The following ATG10 variants were observed in gnomAD, a reference collection of about 807,000 sequenced individuals.
ATG10 encodes autophagy related 10.
ATG10 carries 30 observed loss-of-function variants against 32.1 expected under a neutral mutation model. The ratio of observed to expected loss-of-function variants is 0.94; its 90% CI spans 0.70 to 1.27. ATG10 has a LOEUF of 1.27. Among genes scored for constraint, ATG10 ranks in the 50% most tolerant of loss-of-function variants. The probability of loss-of-function intolerance (pLI) is 0.00; values close to 1 mark genes in which losing one functional copy is unlikely to be tolerated. For missense variants in ATG10, 233 were observed against 262.3 expected, an observed-to-expected ratio of 0.89 and a Z score of 0.77; for synonymous variants, 87 against 91.5, an observed-to-expected ratio of 0.95 and a Z score of 0.28.
intron 5 of ATG10, among the ~76,000 whole-genome samples, chr5:82,193,529 C>A (rs974385883): frequency 5.3e-5 from 8 of 152,196 alleles, no homozygotes; most frequent in Non-Finnish European, 1.0e-4. Flanking sequence ...CAGAACAAGG[C>A]AAAGCCTTAG....
chr5:82,166,379 A>T (rs1471333123), intron 4 of ATG10, among the ~76,000 whole-genome samples: 1 of 152,210 alleles, frequency 6.6e-6, no homozygotes, highest in Non-Finnish European at 1.5e-5. Context: ...TTAGGAATTT[A>T]AAATTTTATT....
chr5:82,181,630 A>T (rs1317082760), intron 5 of ATG10, among the ~76,000 whole-genome samples: 1 of 152,090 alleles, frequency 6.6e-6, no homozygotes, highest in Non-Finnish European at 1.5e-5. Context: ...GTTTTGCAGA[A>T]TTATACTAAA....
chr5:82,118,402 A>ATATATATATATATATATATATG (rs1309574936), intron 3 of ATG10, among the ~76,000 whole-genome samples: 3 of 136,374 alleles, frequency 2.2e-5, no homozygotes, highest in African/African-American at 8.5e-5. Context: ...ATATATATAT[A>ATATATATATATATATATATATG]TATGTATGTA....
At chr5:82,082,570 A>G (rs1485813364) in intron 3 of ATG10, among the ~76,000 whole-genome samples, 1 of 152,038 alleles carries the variant, frequency 6.6e-6, no homozygotes, top group African/African-American at 2.4e-5. Flanking sequence ...TTTGTGGCTG[A>G]TGGACTTTGA....
intron 5 of ATG10, among the ~76,000 whole-genome samples, chr5:82,189,978 G>A (rs752774755): frequency 6.6e-6 from 1 of 152,070 alleles, no homozygotes; most frequent in Non-Finnish European, 1.5e-5. Flanking sequence ...TTAATCATGG[G>A]CACCTCCTCT....
intron 5 of ATG10, among the ~76,000 whole-genome samples, chr5:82,245,463 T>C (rs1027736413): frequency 1.3e-5 from 2 of 152,224 alleles, no homozygotes; most frequent in African/African-American, 4.8e-5. Context: ...TGATTGAATG[T>C]GACTGAAAAA....
At chr5:82,057,488 C>T (rs1763640956) in intron 2 of ATG10, among the ~76,000 whole-genome samples, 1 of 152,144 alleles carries the variant, frequency 6.6e-6, no homozygotes, top group African/African-American at 2.4e-5. Flanking sequence ...TCTTCATCTT[C>T]ACATGGCTTT....
At chr5:82,139,033 G>C (rs1197750142) in intron 3 of ATG10, among the ~76,000 whole-genome samples, 3 of 150,496 alleles carry the variant, frequency 2.0e-5, no homozygotes, top group Non-Finnish European at 4.4e-5. Flanking sequence ...TGGTGGAGAC[G>C]GGGTTTCGCT....
chr5:82,024,472 G>A (rs568394606), intron 2 of ATG10, among the ~76,000 whole-genome samples: 2 of 152,288 alleles, frequency 1.3e-5, no homozygotes, highest in East Asian at 1.9e-4. Context: ...ATTGAGGCTT[G>A]TAATTTGTAT....
intron 1 of ATG10, among the ~76,000 whole-genome samples, chr5:81,977,728 C>A (rs1460500923): frequency 1.3e-5 from 2 of 152,164 alleles, no homozygotes; most frequent in Admixed American, 6.5e-5. Flanking sequence ...GAATTGAATT[C>A]ATGTGTTCAG....
chr5:82,086,986 G>A (rs1285550548), intron 3 of ATG10, among the ~76,000 whole-genome samples: 1 of 152,072 alleles, frequency 6.6e-6, no homozygotes, highest in African/African-American at 2.4e-5. Flanking sequence ...GTTACAATGA[G>A]AAAAATGTCT....
At chr5:82,131,442 A>G (rs1450118642) in intron 3 of ATG10, among the ~76,000 whole-genome samples, 1 of 152,170 alleles carries the variant, frequency 6.6e-6, no homozygotes, top group Non-Finnish European at 1.5e-5. Flanking sequence ...ACATTAAATA[A>G]GTCCTTTATC....
rs1484582831 is a variant in ATG10 at position 82,254,561 on chromosome 5, G to GAAAAAAAAAAAAAAAAAAAAAAAAAAA, written c.*498_*499insAAAAAAAAAAAAAAAAAAAAAAAAAAA. Reference sequence around the variant, plus strand: ...GTGACAGAGCCAGACACTGTCTCGGGGAAAAAAAAAAAAAAAAAAAGACAC... The same window carrying GAAAAAAAAAAAAAAAAAAAAAAAAAAA: ...GTGACAGAGCCAGACACTGTCTCGGGAAAAAAAAAAAAAAAAAAAAAAAAAAAGAAAAAAAAAAAAAAAAAAAGACAC... On this transcript the variant is annotated 3_prime_UTR_variant, in exon 8 of 8. Transcript: ENST00000282185. The GAAAAAAAAAAAAAAAAAAAAAAAAAAA allele has an allele frequency of 1.7e-5, 2 of 120,782 alleles. 1 individual carries two copies. Among genetic ancestry groups the GAAAAAAAAAAAAAAAAAAAAAAAAAAA allele is most frequent in the African/African-American group, 6.7e-5 (2 of 29,662 alleles). The allele number at this position is 120,782 out of a possible 1,614,324, so 7.5% of individuals were successfully genotyped here. A position where few individuals can be genotyped will look rare whatever the true frequency, so the allele number is the denominator to read the frequency against.
chr5:82,083,106 C>G (rs1384817668), intron 3 of ATG10, among the ~76,000 whole-genome samples: 2 of 152,266 alleles, frequency 1.3e-5, no homozygotes, highest in Non-Finnish European at 2.9e-5. Context: ...ACAGATGGTA[C>G]CTGGAAAAAT....
chr5:82,045,493 G>A (rs1763208193), intron 2 of ATG10, among the ~76,000 whole-genome samples: 1 of 152,158 alleles, frequency 6.6e-6, no homozygotes. Flanking sequence ...GTGGAGTGAG[G>A]TGATGTGCTT....
chr5:82,216,076 G>A (rs1745668525), intron 5 of ATG10, among the ~76,000 whole-genome samples: 1 of 152,152 alleles, frequency 6.6e-6, no homozygotes, highest in East Asian at 1.9e-4. Flanking sequence ...GAAGAGCCAA[G>A]GATAGAAATC....
At chr5:82,174,177 A>C (rs1235454051) in intron 4 of ATG10, among the ~76,000 whole-genome samples, 7 of 152,322 alleles carry the variant, frequency 4.6e-5, no homozygotes, top group African/African-American at 1.4e-4. Flanking sequence ...AGATCTCAAA[A>C]ACTAACTTTT....
intron 5 of ATG10, among the ~76,000 whole-genome samples, chr5:82,212,873 C>G (rs1189805680): frequency 6.6e-6 from 1 of 152,158 alleles, no homozygotes; most frequent in African/African-American, 2.4e-5. Context: ...GTGGTTCTAT[C>G]CAGTTCCATG....
intron 2 of ATG10, among the ~76,000 whole-genome samples, chr5:82,041,377 TA>T (rs1334994534): frequency 3.2e-4 from 48 of 152,198 alleles, no homozygotes; most frequent in Admixed American, 2.1e-3. Flanking sequence ...TATTTTTGGA[TA>T]AATGAATGGG....
Sources: allele counts gnomAD v4.1 joint callset (sites outside exome capture counted in the v4.1 genomes callset), GRCh38; gene constraint gnomAD v4.1.1; transcripts MANE v1.5; gene names NCBI Gene and HGNC (gene_info 2026-07-23, HGNC 2026-07-21).